Variants in DARS1 observed in about 807,000 individuals in gnomAD.
DARS1 encodes the protein aspartyl-tRNA synthetase 1, also known as aspartate--tRNA ligase, cytoplasmic.
Under a neutral mutation model 68.8 loss-of-function variants are expected in DARS1, and 51 were observed. The ratio of observed to expected loss-of-function variants is 0.74; its 90% confidence interval spans 0.59 to 0.94. The LOEUF (loss-of-function observed/expected upper bound fraction) is 0.94, where lower values mean the gene tolerates loss of function less well. Ranked by LOEUF, DARS1 falls within the 40% of genes least tolerant of loss-of-function variation. The probability of loss-of-function intolerance (pLI) is 0.00; values close to 1 mark genes in which losing one functional copy is unlikely to be tolerated. For missense variants in DARS1, 607 were observed against 597.3 expected (o/e 1.02, Z -0.17); for synonymous variants, 203 against 190.4 (o/e 1.07, Z -0.55).
At position 135,908,827 on chromosome 2, in the gene DARS1, T is replaced by C. The variant is rs141203254; in HGVS notation, c.1415-1420A>G. On this transcript the variant is annotated intron_variant, in intron 15 of 15. Coordinates refer to ENST00000264161, the MANE Select transcript of DARS1 (RefSeq NM_001349.4). ...GTGGATTCTGAGTAATAAAGATACA[T>C]GCACGTGTATGTTCATTGCAGCACT... Among the ~76,000 whole-genome samples the C allele has an allele frequency of 8.6e-3, 1,314 of 152,336 alleles. 16 individuals are homozygous for C. The highest frequency in any genetic ancestry group is 0.028 in the African/African-American group (1,161 of 41,576).
At chr2:135,932,954 G>C in intron 6 of DARS1, 112 bp from the exon 7 acceptor site, 1 of 593,228 alleles carries the variant, frequency 1.7e-6, no homozygotes. Context: ...ATGTGTGTAC[G>C]TTAATATTAT....
intron 5 of DARS1, among the ~76,000 whole-genome samples, chr2:135,937,888 G>A (rs1474906158): frequency 6.6e-6 from 1 of 152,168 alleles, no homozygotes; most frequent in East Asian, 1.9e-4. Flanking sequence ...TTCCCTTTGC[G>A]GGTAACCCGA....
intron 2 of DARS1, among the ~76,000 whole-genome samples, chr2:135,982,354 G>A (rs529039076): frequency 9.9e-5 from 15 of 152,146 alleles, no homozygotes; most frequent in African/African-American, 3.1e-4. Context: ...TAGCACTTTG[G>A]GAGGCCGAGG....
chr2:135,983,912 G>A (rs1486067979), intron 1 of DARS1, among the ~76,000 whole-genome samples: 1 of 152,182 alleles, frequency 6.6e-6, no homozygotes. Flanking sequence ...AGCACCAGAT[G>A]TCCACAGTTT....
At chr2:135,938,754 T>G (rs1238488948) in intron 5 of DARS1, among the ~76,000 whole-genome samples, 1 of 152,162 alleles carries the variant, frequency 6.6e-6, no homozygotes, top group East Asian at 1.9e-4. Flanking sequence ...GTGTGCTGTA[T>G]TCAGCAGACC....
At chr2:135,916,976 C>T (rs557160610) in intron 10 of DARS1, among the ~76,000 whole-genome samples, 9 of 152,144 alleles carry the variant, frequency 5.9e-5, no homozygotes, top group African/African-American at 2.2e-4. Context: ...CACTTGAGGT[C>T]GGGAGTTTAA....
At chr2:135,952,964 T>C (rs1681875789) in intron 4 of DARS1, among the ~76,000 whole-genome samples, 1 of 152,218 alleles carries the variant, frequency 6.6e-6, no homozygotes, top group Non-Finnish European at 1.5e-5. Context: ...CCGTTTTCCA[T>C]AGAGGCTATA....
intron 2 of DARS1, 43 bp downstream of exon 2, chr2:135,983,354 T>TAGA (rs763317031): frequency 6.1e-6 from 5 of 818,616 alleles, no homozygotes; most frequent in Non-Finnish European, 1.0e-5. Flanking sequence ...TTCCTGGAAT[T>TAGA]AGAAAGCAAA....
At chr2:135,927,514 G>A (rs1681245274) in intron 7 of DARS1, among the ~76,000 whole-genome samples, 2 of 151,982 alleles carry the variant, frequency 1.3e-5, no homozygotes, top group South Asian at 4.2e-4. Context: ...TTTCCTTAAT[G>A]TTTAAATCTA....
At chr2:135,908,442 C>T (rs750186562) in intron 15 of DARS1, among the ~76,000 whole-genome samples, 5 of 152,116 alleles carry the variant, frequency 3.3e-5, no homozygotes, top group African/African-American at 4.8e-5. Context: ...AATGGGACTG[C>T]GGGGTCAAAT....
chr2:135,919,944 G>T (rs1240210967), intron 10 of DARS1, among the ~76,000 whole-genome samples: 1 of 152,162 alleles, frequency 6.6e-6, no homozygotes, highest in Non-Finnish European at 1.5e-5. Flanking sequence ...TGCCTCTGAG[G>T]TGGGTAATAA....
At chr2:135,914,336 G>A in intron 12 of DARS1, 133 bp downstream of exon 12, 1 of 657,340 alleles carries the variant, frequency 1.5e-6, no homozygotes, top group Non-Finnish European at 2.7e-6. Flanking sequence ...TTTTTTTAAT[G>A]TTGTCCTTCT....
At chr2:135,966,461 CAA>C (rs1409709175) in intron 3 of DARS1, among the ~76,000 whole-genome samples, 2 of 152,182 alleles carry the variant, frequency 1.3e-5, no homozygotes, top group African/African-American at 2.4e-5. Context: ...CTTTCCAACA[CAA>C]AAGACAGTTT....
At chr2:135,945,144 T>C (rs1243115225) in intron 4 of DARS1, among the ~76,000 whole-genome samples, 1 of 152,044 alleles carries the variant, frequency 6.6e-6, no homozygotes, top group East Asian at 1.9e-4. Context: ...TTTTTTTTTT[T>C]GAGACAGGGT....
At chr2:135,934,433 G>C (rs1483545732) in intron 5 of DARS1, among the ~76,000 whole-genome samples, 1 of 151,868 alleles carries the variant, frequency 6.6e-6, no homozygotes, top group Non-Finnish European at 1.5e-5. Context: ...ACCAGGCTAA[G>C]CAACATGGTG....
chr2:135,949,093 T>A (rs960126084), intron 4 of DARS1, among the ~76,000 whole-genome samples: 14 of 151,992 alleles, frequency 9.2e-5, no homozygotes, highest in Non-Finnish European at 1.8e-4. Flanking sequence ...TAAAATAAAA[T>A]ATATATGTAT....
intron 12 of DARS1, among the ~76,000 whole-genome samples, chr2:135,912,977 T>G (rs1228558744): frequency 1.3e-5 from 2 of 151,954 alleles, no homozygotes; most frequent in East Asian, 3.9e-4. Flanking sequence ...CCTCCTACCT[T>G]GGCCTCCCAA....
chr2:135,985,511 G>C lies in DARS1; in HGVS notation c.-43C>G. 1 of 1,613,774 alleles carries C rather than the reference G, an allele frequency of 6.2e-7. No homozygotes were observed. The highest frequency in any genetic ancestry group is 8.5e-7 in the Non-Finnish European group (1 of 1,179,858). On this transcript the variant is annotated 5_prime_UTR_variant, in exon 1 of 16. Coordinates refer to ENST00000264161, the MANE Select transcript of DARS1 (RefSeq NM_001349.4). ...CAGTGGACACCACCCTCCCTCGCAG[G>C]CTTCCGTAAGGCAGGCCAAAGGGGC...
At chr2:135,972,231 GACAC>G (rs1469749725) in intron 3 of DARS1, among the ~76,000 whole-genome samples, 1 of 152,124 alleles carries the variant, frequency 6.6e-6, no homozygotes, top group Admixed American at 6.6e-5. Context: ...CATAAAAACA[GACAC>G]ACAGACCAGT....
Sources: allele counts gnomAD v4.1 joint callset (sites outside exome capture counted in the v4.1 genomes callset), GRCh38; gene constraint gnomAD v4.1.1; transcripts MANE v1.5; gene names NCBI Gene and HGNC (gene_info 2026-07-23, HGNC 2026-07-21).